The following ERG variants were observed in gnomAD, a reference collection of about 807,000 sequenced individuals.
ERG encodes transcriptional regulator ERG.
ERG carries 9 observed loss-of-function variants against 55.3 expected under a neutral mutation model. The observed-to-expected ratio is 0.16, with a 90% confidence interval of 0.10 to 0.28. ERG has a LOEUF of 0.28. Ranked by LOEUF, ERG falls within the 10% of genes least tolerant of loss-of-function variation. The pLI is 1.00. For missense variants in ERG, 434 were observed against 631.6 expected (o/e 0.69, Z 3.35); for synonymous variants, 223 against 237.3 (o/e 0.94, Z 0.55).
Position 38,628,965 on chromosome 21 carries a change from A to G in ERG, c.-150+32693T>C, listed in dbSNP as rs573713298. On this transcript the variant is annotated intron_variant, in intron 1 of 10. Transcript: ENST00000398910. ...TCCAAACCTTTCTAAACAAATTATC[A>G]TTATCATTGGTGCCGTTATCAGTAT... Among the ~76,000 whole-genome samples the G allele has an allele frequency of 9.2e-5, 14 of 152,318 alleles. No homozygotes were observed. The East Asian group carries it at 2.5e-3, about 27-fold the overall frequency.
chr21:38,482,543 C>G (rs1601109590), intron 1 of ERG, among the ~76,000 whole-genome samples: 2 of 152,116 alleles, frequency 1.3e-5, no homozygotes, highest in African/African-American at 4.8e-5. Flanking sequence ...TAATCACTAT[C>G]TCGTAAAGAT....
chr21:38,626,470 T>C (rs533204727), intron 1 of ERG, among the ~76,000 whole-genome samples: 2 of 152,242 alleles, frequency 1.3e-5, no homozygotes, highest in African/African-American at 4.8e-5. Flanking sequence ...TTCCTCTAAA[T>C]AAGGTGCCGA....
chr21:38,453,547 C>G (rs1441533300), intron 1 of ERG, among the ~76,000 whole-genome samples: 1 of 152,358 alleles, frequency 6.6e-6, no homozygotes, highest in East Asian at 1.9e-4. Context: ...TAAGAAACAA[C>G]ATGCCTGTGA....
intron 1 of ERG, among the ~76,000 whole-genome samples, chr21:38,582,140 A>T (rs2060033548): frequency 6.6e-6 from 1 of 151,840 alleles, no homozygotes; most frequent in Admixed American, 6.6e-5. Context: ...GTTCATTCAT[A>T]TGCTTAATAA....
chr21:38,420,189 C>A (rs909121641), intron 3 of ERG, among the ~76,000 whole-genome samples: 1 of 152,126 alleles, frequency 6.6e-6, no homozygotes, highest in African/African-American at 2.4e-5. Context: ...TAGTGAGGTG[C>A]CTGGATACCA....
intron 3 of ERG, among the ~76,000 whole-genome samples, chr21:38,422,629 G>C (rs1381326325): frequency 1.3e-5 from 2 of 152,178 alleles, no homozygotes; most frequent in Admixed American, 1.3e-4. Flanking sequence ...ATCCTCTGAG[G>C]AGCTTTAAGT....
At chr21:38,408,724 A>G (rs2156074) in intron 3 of ERG, among the ~76,000 whole-genome samples, 127,372 of 152,126 alleles carry the variant, frequency 0.84, 54,629 homozygotes, top group Non-Finnish European at 0.94. Flanking sequence ...CTTCTGTCAC[A>G]CCAGGAATCA....
chr21:38,652,277 T>C (rs1307878476), intron 1 of ERG, among the ~76,000 whole-genome samples: 11 of 152,172 alleles, frequency 7.2e-5, no homozygotes, highest in Non-Finnish European at 1.6e-4. Flanking sequence ...CAACACGCCA[T>C]GGCACAGCTC....
At chr21:38,384,876 C>T (rs1289592345) in intron 9 of ERG, among the ~76,000 whole-genome samples, 1 of 151,506 alleles carries the variant, frequency 6.6e-6, no homozygotes, top group East Asian at 1.9e-4. Flanking sequence ...ACCAGATCAC[C>T]CAGTTCCAGT....
chr21:38,430,853 G>A (rs1990169873), intron 2 of ERG, among the ~76,000 whole-genome samples: 1 of 152,184 alleles, frequency 6.6e-6, no homozygotes, highest in Admixed American at 6.5e-5. Context: ...CTTGAGGAGT[G>A]TAACCTCTGC....
intron 3 of ERG, among the ~76,000 whole-genome samples, chr21:38,405,542 G>A (rs930440709): frequency 2.0e-5 from 3 of 152,102 alleles, no homozygotes; most frequent in African/African-American, 7.2e-5. Flanking sequence ...CATCACAGTT[G>A]ATAACAGCTC....
chr21:38,489,072 G>C (rs1029840348), intron 1 of ERG, among the ~76,000 whole-genome samples: 1 of 152,172 alleles, frequency 6.6e-6, no homozygotes, highest in Non-Finnish European at 1.5e-5. Flanking sequence ...GCATCAGTGC[G>C]TCTCTGGTTG....
chr21:38,383,404 T>C lies in ERG; in HGVS notation c.1439A>G (p.Ter480=). Residue 480 remains the stop codon, a stop_retained_variant, in exon 10 of 10, where the codon TAA becomes TGA. Transcript: ENST00000288319. The surrounding 1 kb of genome is among the most constrained non-coding windows in gnomAD (Gnocchi z 5.7). ...ATGGGAAAAGCCTCCGCCAGGTCTT[T>C]AGTAGTAAGTGCCCAGATGAGAAGG... is the stretch of plus-strand genomic sequence containing the variant. ...HMPSHLGTYY[*] The C allele has an allele frequency of 6.7e-7, 1 of 1,495,406 alleles. No homozygotes were observed. Among genetic ancestry groups the C allele is most frequent in the South Asian group, 1.4e-5 (1 of 69,206 alleles). 92.6% of individuals were successfully genotyped at this position (1,495,406 alleles called of 1,614,324 possible).
At chr21:38,426,776 A>G (rs1989845468) in intron 2 of ERG, among the ~76,000 whole-genome samples, 1 of 151,940 alleles carries the variant, frequency 6.6e-6, no homozygotes, top group South Asian at 2.1e-4. Context: ...ACTTAAAAAA[A>G]AAAATTAGCC....
chr21:38,453,162 G>A (rs1390101780), intron 1 of ERG, among the ~76,000 whole-genome samples: 6 of 152,206 alleles, frequency 3.9e-5, no homozygotes, highest in Admixed American at 2.0e-4. Context: ...ACCAAAGAGC[G>A]TATTATTGCA....
chr21:38,424,090 G>A (rs555337395), intron 2 of ERG, among the ~76,000 whole-genome samples: 34 of 152,286 alleles, frequency 2.2e-4, no homozygotes, highest in African/African-American at 7.7e-4. Context: ...AGGAGAGAGA[G>A]CCTTTGGGAG....
chr21:38,397,493 G>A (rs1476944430), intron 6 of ERG, among the ~76,000 whole-genome samples: 1 of 151,250 alleles, frequency 6.6e-6, no homozygotes, highest in Admixed American at 6.6e-5. Flanking sequence ...AGCTACTCGG[G>A]AGGCTGAGGC....
upstream of ERG, among the ~76,000 whole-genome samples, chr21:38,589,093 C>G (rs948978360): frequency 6.6e-6 from 1 of 152,142 alleles, no homozygotes; most frequent in Non-Finnish European, 1.5e-5. Context: ...GACAAGAGAA[C>G]CATTCTCTAC....
intron 3 of ERG, among the ~76,000 whole-genome samples, chr21:38,405,274 G>A (rs1340064146): frequency 6.6e-6 from 1 of 152,178 alleles, no homozygotes; most frequent in Admixed American, 6.5e-5. Flanking sequence ...GGCACTCAAT[G>A]TTATAATTTC....
Sources: gnomAD v4.1 joint callset for allele counts (sites outside exome capture counted in the v4.1 genomes callset) on GRCh38, gnomAD v4.1.1 for gene constraint, Gnocchi (gnomAD v3.1) non-coding constraint, MANE v1.5 for transcripts, NCBI Gene and HGNC (gene_info 2026-07-23, HGNC 2026-07-21) for gene names.